The following SASH1 variants were observed in gnomAD, a reference collection of about 807,000 sequenced individuals.
SASH1 encodes SAM and SH3 domain-containing protein 1.
Under a neutral mutation model 125.2 loss-of-function variants are expected in SASH1, and 44 were observed. The observed-to-expected ratio is 0.35, with a 90% CI of 0.28 to 0.45. The LOEUF is 0.45. Ranked by LOEUF, SASH1 falls within the 20% of genes least tolerant of loss-of-function variation. SASH1 has a pLI of 1.00. For missense variants in SASH1, 1,426 were observed against 1,614.5 expected (o/e 0.88, Z 2.00); for synonymous variants, 639 against 649.1 (o/e 0.98, Z 0.24).
At chr6:148,340,152 C>T (rs2114623217), upstream of SASH1, among the ~76,000 whole-genome samples, 1 of 152,152 alleles carries the variant, frequency 6.6e-6, no homozygotes, top group East Asian at 1.9e-4. Context: ...ACAGGCTGCC[C>T]CTTGGAAGCA....
the SASH1 span, among the ~76,000 whole-genome samples, chr6:148,248,709 C>T: frequency 4.6e-3 from 700 of 152,328 alleles, 4 homozygotes; most frequent in Non-Finnish European, 7.1e-3. Context: ...CTTCCCCCCA[C>T]AAGCCTCAGA....
chr6:148,319,489 A>G (rs1321040706), intron 1 of SASH1, among the ~76,000 whole-genome samples: 1 of 152,060 alleles, frequency 6.6e-6, no homozygotes, highest in Non-Finnish European at 1.5e-5. Context: ...CAATAAATAA[A>G]TATGTATAAG....
rs913577646 is a variant in SASH1 at position 148,551,745 on chromosome 6, A to G, written c.*3187A>G. 5 of 152,672 alleles carry G rather than the reference A, an allele frequency of 3.3e-5. No individual in the cohort carries two copies. Among genetic ancestry groups the G allele is most frequent in the African/African-American group, 4.8e-5 (2 of 41,466 alleles). 9.5% of individuals were successfully genotyped at this position (152,672 alleles called of 1,614,324 possible). A position where few individuals can be genotyped will look rare whatever the true frequency, so the allele number is the denominator to read the frequency against. Reference sequence around the variant, plus strand: ...GAGAAAAGAAACTGTCGAGCAAGTTATATAACAACTAACAACATTGCACTT... The same window carrying G: ...GAGAAAAGAAACTGTCGAGCAAGTTGTATAACAACTAACAACATTGCACTT... On this transcript the variant is annotated 3_prime_UTR_variant, in exon 20 of 20. Transcript: ENST00000367467.
intron 2 of SASH1, among the ~76,000 whole-genome samples, chr6:148,425,043 TGG>T (rs893809683): frequency 6.6e-6 from 1 of 152,018 alleles, no homozygotes; most frequent in African/African-American, 2.4e-5. Context: ...GTACACAGGA[TGG>T]GTGATGTGTA....
chr6:148,505,301 A>T (rs1243766707), intron 8 of SASH1, among the ~76,000 whole-genome samples: 2 of 152,128 alleles, frequency 1.3e-5, no homozygotes, highest in Admixed American at 6.5e-5. Context: ...ACACGTAAAA[A>T]GGTTGTTGGT....
chr6:148,387,648 CTT>C (rs1554249438), intron 1 of SASH1, among the ~76,000 whole-genome samples: 2 of 46,986 alleles, frequency 4.3e-5, no homozygotes, highest in East Asian at 6.4e-4. Flanking sequence ...TTCTTTCTTT[CTT>C]TCTTTCTTTC....
chr6:148,524,975 C>CA (rs1203011131), intron 10 of SASH1: 1 of 290,400 alleles, frequency 3.4e-6, no homozygotes, highest in Non-Finnish European at 6.6e-6. Context: ...GGGAATCTCA[C>CA]AGCACTGGAC....
intron 1 of SASH1, among the ~76,000 whole-genome samples, chr6:148,281,534 T>C (rs1254602006): frequency 6.6e-6 from 1 of 152,152 alleles, no homozygotes; most frequent in African/African-American, 2.4e-5. Flanking sequence ...CTCATGAGCC[T>C]GATGACTTCA....
intron 2 of SASH1, among the ~76,000 whole-genome samples, chr6:148,435,294 C>T (rs1485634891): frequency 6.7e-6 from 1 of 150,148 alleles, no homozygotes; most frequent in Non-Finnish European, 1.5e-5. Context: ...AGGAGAATCA[C>T]TTGAACCTGG....
Position 148,389,841 on chromosome 6 carries a change from G to A in SASH1, c.157-293G>A, listed in dbSNP as rs77627952. Among the ~76,000 whole-genome samples, 118 of 152,328 alleles carry A rather than the reference G, an allele frequency of 7.7e-4. 2 individuals carry two copies. The East Asian group carries it at 0.02, about 26-fold the overall frequency. On this transcript the variant is annotated intron_variant, in intron 1 of 19. Transcript: ENST00000367467. The stretch of plus-strand genomic sequence containing the variant: ...AAGACTTTGGTGTTGGCACCAGACC[G>A]TCCGAGGTTGGAGAGCTGGCCTCTG...
At chr6:148,327,939 TAA>T (rs569288406) in intron 1 of SASH1, among the ~76,000 whole-genome samples, 12,030 of 121,006 alleles carry the variant, frequency 0.099, 552 homozygotes, top group African/African-American at 0.13. Flanking sequence ...AGACTCTGTC[TAA>T]AAAAAAAAAA....
At chr6:148,225,053 G>A in the SASH1 span, among the ~76,000 whole-genome samples, 2 of 152,138 alleles carry the variant, frequency 1.3e-5, no homozygotes, top group Non-Finnish European at 2.9e-5. Context: ...TCCTATTACA[G>A]GTGAAGATAG....
chr6:148,360,642 C>G (rs1019587957), intron 1 of SASH1, among the ~76,000 whole-genome samples: 2 of 128,796 alleles, frequency 1.6e-5, no homozygotes, highest in African/African-American at 5.8e-5. Context: ...AGCCACCCCC[C>G]CGCCAGGCTT....
Position 148,417,117 on chromosome 6 carries a change from G to A in SASH1, c.286-23067G>A, listed in dbSNP as rs180913867. Among the ~76,000 whole-genome samples, 107 of 152,296 alleles carry A rather than the reference G, an allele frequency of 7.0e-4. 1 individual carries two copies. The highest frequency in any genetic ancestry group is 2.2e-3 in the African/African-American group (90 of 41,564). ...TGGAACCCCTGCCCTGGGAGAAGACGAGGGTTATTGTGCAGTTACCAGAAC... is the reference window on the plus strand; with the variant it reads ...TGGAACCCCTGCCCTGGGAGAAGACAAGGGTTATTGTGCAGTTACCAGAAC... On this transcript the variant is annotated intron_variant, in intron 2 of 19. Coordinates refer to ENST00000367467, the MANE Select transcript of SASH1 (RefSeq NM_015278.5).
At chr6:148,303,340 C>T (rs930562721) in intron 1 of SASH1, among the ~76,000 whole-genome samples, 1 of 152,082 alleles carries the variant, frequency 6.6e-6, no homozygotes, top group Non-Finnish European at 1.5e-5. Flanking sequence ...ACATATTCAT[C>T]TCAAGCACAA....
At chr6:148,224,456 G>T in the SASH1 span, among the ~76,000 whole-genome samples, 5 of 152,002 alleles carry the variant, frequency 3.3e-5, no homozygotes, top group African/African-American at 1.2e-4. Flanking sequence ...TGCCTCAGGG[G>T]TTCAAGCAAT....
intron 1 of SASH1, among the ~76,000 whole-genome samples, chr6:148,304,945 C>A (rs774481074): frequency 8.6e-5 from 13 of 151,650 alleles, no homozygotes; most frequent in South Asian, 2.1e-4. Context: ...GCACCAGAAT[C>A]GCGTGAACCC....
At chr6:148,333,171 A>G (rs1781042609) in intron 1 of SASH1, among the ~76,000 whole-genome samples, 1 of 151,964 alleles carries the variant, frequency 6.6e-6, no homozygotes, top group Non-Finnish European at 1.5e-5. Context: ...GTTAAAAAAC[A>G]GATTGCTTGC....
At chr6:148,277,518 C>T (rs556866741) in intron 1 of SASH1, among the ~76,000 whole-genome samples, 1 of 152,328 alleles carries the variant, frequency 6.6e-6, no homozygotes, top group African/African-American at 2.4e-5. Context: ...TCCCATATAA[C>T]ACTGCAGCGT....
Sources: allele counts gnomAD v4.1 joint callset (sites outside exome capture counted in the v4.1 genomes callset), GRCh38; gene constraint gnomAD v4.1.1; transcripts MANE v1.5; gene names NCBI Gene and HGNC (gene_info 2026-07-23, HGNC 2026-07-21).